The following KCNK1 variants were observed in gnomAD, a reference collection of about 807,000 sequenced individuals.
KCNK1 encodes potassium channel subfamily K member 1.
KCNK1 carries 10 observed loss-of-function variants against 22.2 expected under a neutral mutation model. The ratio of observed to expected loss-of-function variants is 0.45; its 90% CI spans 0.28 to 0.76. The LOEUF (loss-of-function observed/expected upper bound fraction) is 0.76, where lower values mean the gene tolerates loss of function less well. KCNK1 is among the 30% of genes least tolerant of loss of function. The pLI is 0.14. For synonymous variants in KCNK1, 200 were observed against 186.4 expected (o/e 1.07, Z -0.60); for missense variants, 378 against 421.0 (o/e 0.90, Z 0.89).
chr1:233,625,681 G>A (rs1332591471), intron 1 of KCNK1, among the ~76,000 whole-genome samples: 1 of 152,122 alleles, frequency 6.6e-6, no homozygotes, highest in Non-Finnish European at 1.5e-5. Context: ...GGGAGTGTGT[G>A]ATTAGTGTAT....
chr1:233,659,925 G>T (rs1658363280), intron 1 of KCNK1, among the ~76,000 whole-genome samples: 1 of 152,122 alleles, frequency 6.6e-6, no homozygotes, highest in African/African-American at 2.4e-5. Flanking sequence ...CTACATCAGG[G>T]CAAGGGGCTG....
intron 1 of KCNK1, among the ~76,000 whole-genome samples, chr1:233,622,289 T>C (rs1416634388): frequency 1.3e-5 from 2 of 152,236 alleles, no homozygotes; most frequent in Non-Finnish European, 2.9e-5. Context: ...CCTCATATAC[T>C]CTGACATACT....
rs564022225 is a variant in KCNK1, at chr1:233,640,656, A to G, written c.356-25939A>G. 3.3e-5 allele frequency among the ~76,000 whole-genome samples: 5 copies of G among 152,190 alleles called. No individual in the cohort carries two copies. In the South Asian group the frequency reaches 1.0e-3, roughly 32 times the overall value. On this transcript the variant is annotated intron_variant, in intron 1 of 2. Coordinates refer to ENST00000366621, the MANE Select transcript of KCNK1 (RefSeq NM_002245.4). ...CCAAAAGAAGTGGTTTTCTGGGATA[A>G]CGTAGAGAATGAAGGTCAGGTCTGG...
At chr1:233,654,655 G>A (rs1658259222) in intron 1 of KCNK1, among the ~76,000 whole-genome samples, 1 of 152,196 alleles carries the variant, frequency 6.6e-6, no homozygotes, top group South Asian at 2.1e-4. Context: ...GTTCATGCCT[G>A]TAGTCCTAAC....
intron 1 of KCNK1, among the ~76,000 whole-genome samples, chr1:233,664,689 T>C (rs1658459442): frequency 6.6e-6 from 1 of 152,222 alleles, no homozygotes; most frequent in South Asian, 2.1e-4. Flanking sequence ...GCCTCTGCCG[T>C]GGTGAGGCCG....
Position 233,617,817 on chromosome 1 carries a change from G to A in KCNK1, c.355+3291G>A, listed in dbSNP as rs576718770. 1.2e-4 allele frequency among the ~76,000 whole-genome samples: 18 copies of A among 152,198 alleles called. No homozygotes were observed. In the South Asian group the frequency reaches 1.2e-3, roughly 11 times the overall value. On this transcript the variant is annotated intron_variant, in intron 1 of 2. Coordinates refer to ENST00000366621, the MANE Select transcript of KCNK1 (RefSeq NM_002245.4). ...TAGCCCGGAGTGATGGCGTGTGCCT[G>A]TAGTCCCAGCTACCTAGAAGGCTGA...
chr1:233,663,162 T>C lies in KCNK1; in HGVS notation c.356-3433T>C, dbSNP rs1451050721. Among the ~76,000 whole-genome samples, 7 of 152,226 alleles carry C rather than the reference T, an allele frequency of 4.6e-5. No individual in the cohort carries two copies. In the East Asian group the frequency reaches 1.2e-3, roughly 25 times the overall value. ...TACTCAATGTGGCCTGTGCTAAGTG[T>C]ATGGAATGCAAATGAGATGTAAATT... On this transcript the variant is annotated intron_variant, in intron 1 of 2. Coordinates refer to ENST00000366621, the MANE Select transcript of KCNK1 (RefSeq NM_002245.4).
intron 2 of KCNK1, among the ~76,000 whole-genome samples, chr1:233,667,562 G>T (rs553653634): frequency 1.3e-5 from 2 of 151,476 alleles, no homozygotes; most frequent in Non-Finnish European, 2.9e-5. Flanking sequence ...AACCCCGTCT[G>T]TACTAAAAAT....
At chr1:233,627,236 CTTT>C (rs989965409) in intron 1 of KCNK1, among the ~76,000 whole-genome samples, 22 of 152,300 alleles carry the variant, frequency 1.4e-4, no homozygotes, top group African/African-American at 5.1e-4. Flanking sequence ...TAAACATCTT[CTTT>C]ATTTCCCTCA....
chr1:233,658,607 A>G (rs1459056764), intron 1 of KCNK1, among the ~76,000 whole-genome samples: 1 of 152,220 alleles, frequency 6.6e-6, no homozygotes, highest in Non-Finnish European at 1.5e-5. Context: ...ACGTTCTGAG[A>G]AATGCATCCT....
chr1:233,622,917 T>C (rs1657616551), intron 1 of KCNK1, among the ~76,000 whole-genome samples: 1 of 152,142 alleles, frequency 6.6e-6, no homozygotes, highest in Non-Finnish European at 1.5e-5. Context: ...CTGACTGGGA[T>C]TGACCAACTT....
chr1:233,631,287 G>C lies in KCNK1; in HGVS notation c.355+16761G>C, dbSNP rs111804649. On this transcript the variant is annotated intron_variant, in intron 1 of 2. Transcript: ENST00000366621. ...TTTCTGACAACATCAAGATATGAAA[G>C]GTTGTCACTCACTGAACCCCTAATG... 10 of 531,626 alleles carry C rather than the reference G, an allele frequency of 1.9e-5. No individual in the cohort carries two copies. In the East Asian group the frequency reaches 4.9e-4, roughly 26 times the overall value. 32.9% of individuals were successfully genotyped at this position (531,626 alleles called of 1,614,324 possible).
intron 1 of KCNK1, among the ~76,000 whole-genome samples, chr1:233,622,784 T>G (rs1159478677): frequency 6.6e-6 from 1 of 152,224 alleles, no homozygotes; most frequent in Non-Finnish European, 1.5e-5. Flanking sequence ...CTTCTTTAAT[T>G]TGGAAAACAG....
At chr1:233,653,184 C>T (rs1036955869) in intron 1 of KCNK1, among the ~76,000 whole-genome samples, 12 of 152,308 alleles carry the variant, frequency 7.9e-5, no homozygotes, top group African/African-American at 2.6e-4. Context: ...GCTGCTTCAC[C>T]CATTTATTCC....
intron 1 of KCNK1, among the ~76,000 whole-genome samples, chr1:233,654,490 G>C (rs1347386194): frequency 6.6e-6 from 1 of 152,212 alleles, no homozygotes; most frequent in Non-Finnish European, 1.5e-5. Flanking sequence ...AAGTGTGAAA[G>C]TTGTGGCTTG....
At chr1:233,621,140 C>T (rs1306554015) in intron 1 of KCNK1, among the ~76,000 whole-genome samples, 2 of 152,114 alleles carry the variant, frequency 1.3e-5, no homozygotes, top group Admixed American at 1.3e-4. Flanking sequence ...GTTCTTATGT[C>T]GAAGTTCTAC....
chr1:233,633,145 G>A (rs938370062), intron 1 of KCNK1, among the ~76,000 whole-genome samples: 1 of 150,896 alleles, frequency 6.6e-6, no homozygotes, highest in Non-Finnish European at 1.5e-5. Context: ...AGAAACATGG[G>A]GTGGAGAAGA....
At chr1:233,655,074 A>G (rs1398476954) in intron 1 of KCNK1, among the ~76,000 whole-genome samples, 5 of 152,194 alleles carry the variant, frequency 3.3e-5, no homozygotes, top group African/African-American at 1.2e-4. Flanking sequence ...ACCTTTGGGG[A>G]GGGCCACCAC....
chr1:233,671,114 A>G (rs940223154), intron 2 of KCNK1, among the ~76,000 whole-genome samples, 157 bp from the exon 3 acceptor site: 1 of 152,164 alleles, frequency 6.6e-6, no homozygotes, highest in African/African-American at 2.4e-5. Flanking sequence ...TCCTCTTTGA[A>G]CCATGAACTT....
Sources: gnomAD v4.1 joint callset for allele counts (sites outside exome capture counted in the v4.1 genomes callset) on GRCh38, gnomAD v4.1.1 for gene constraint, MANE v1.5 for transcripts, NCBI Gene and HGNC (gene_info 2026-07-23, HGNC 2026-07-21) for gene names.